The following PTPRG variants were observed in gnomAD, a reference collection of about 807,000 sequenced individuals.
The protein encoded by PTPRG is protein tyrosine phosphatase receptor type G.
PTPRG carries 102 observed loss-of-function variants against 165.3 expected under a neutral mutation model. The observed-to-expected ratio is 0.62, with a 90% confidence interval of 0.53 to 0.73. PTPRG has a LOEUF of 0.73. Among genes scored for constraint, PTPRG ranks in the 30% least tolerant of loss-of-function variants. The pLI, the probability that PTPRG is intolerant of heterozygous loss-of-function variation, is 0.00. For synonymous variants in PTPRG, 675 were observed against 669.5 expected, an observed-to-expected ratio of 1.01 and a Z score of -0.13; for missense variants, 1,866 against 1,861.4, an observed-to-expected ratio of 1.00 and a Z score of -0.05.
At chr3:61,568,537 A>G (rs1036202616) in intron 1 of PTPRG, among the ~76,000 whole-genome samples, 8 of 152,222 alleles carry the variant, frequency 5.3e-5, no homozygotes, top group African/African-American at 1.4e-4. Context: ...AGAAAAATAT[A>G]TTCTGTGTGA....
At chr3:61,595,038 T>G (rs1461315776) in intron 1 of PTPRG, among the ~76,000 whole-genome samples, 2 of 152,202 alleles carry the variant, frequency 1.3e-5, no homozygotes, top group Non-Finnish European at 2.9e-5. Context: ...CTGATCTGTT[T>G]ATTTACAGAT....
At chr3:61,822,256 A>G in intron 2 of PTPRG, among the ~76,000 whole-genome samples, 1 of 152,154 alleles carries the variant, frequency 6.6e-6, no homozygotes, top group East Asian at 1.9e-4. Context: ...ACATCCCCAA[A>G]TATGCAGTGA....
chr3:61,921,813 C>G (rs1393534808), intron 2 of PTPRG, among the ~76,000 whole-genome samples: 3 of 152,090 alleles, frequency 2.0e-5, no homozygotes, highest in Non-Finnish European at 4.4e-5. Flanking sequence ...TCTGTACTTA[C>G]AGGTTAGGAA....
At position 62,255,220 on chromosome 3, in the gene PTPRG, G is replaced by T; in HGVS notation, c.2559+5G>T. ...GGGTTCTCTGAGGATTTTGAGGTAT[G>T]TTTCAAGGCTGGAAGTTAACTTCCA... is the stretch of plus-strand genomic sequence containing the variant. On this transcript the variant is annotated splice_donor_5th_base_variant and intron_variant, in intron 16 of 29. Transcript: ENST00000474889. The surrounding 1 kb of genome is among the most constrained non-coding windows in gnomAD (Gnocchi z 4.0). 6.2e-7 allele frequency: 1 copy of T among 1,605,794 alleles called. No individual in the cohort carries two copies. The highest frequency in any genetic ancestry group is 8.5e-7 in the Non-Finnish European group (1 of 1,175,156).
chr3:62,073,621 G>T (rs923761709), intron 4 of PTPRG, among the ~76,000 whole-genome samples: 3 of 152,030 alleles, frequency 2.0e-5, no homozygotes, highest in African/African-American at 7.2e-5. Context: ...CTCCCAAGTG[G>T]CAGGCACCTG....
intron 2 of PTPRG, among the ~76,000 whole-genome samples, chr3:61,775,334 G>A (rs1176149309): frequency 3.9e-5 from 6 of 152,128 alleles, no homozygotes; most frequent in African/African-American, 1.4e-4. Flanking sequence ...GCCTCCCAAA[G>A]TGCTGGGATT....
chr3:61,765,140 G>T (rs1043755475), intron 2 of PTPRG, among the ~76,000 whole-genome samples: 1 of 152,220 alleles, frequency 6.6e-6, no homozygotes, highest in African/African-American at 2.4e-5. Context: ...ACACAGCAAG[G>T]TGTGTTGTGC....
chr3:62,019,250 T>C (rs190625536), intron 4 of PTPRG, among the ~76,000 whole-genome samples: 9 of 152,300 alleles, frequency 5.9e-5, no homozygotes, highest in African/African-American at 2.2e-4. Context: ...AGGCCGGATG[T>C]AGTAGCTCAC....
chr3:62,014,610 C>G (rs2041497740), intron 4 of PTPRG, among the ~76,000 whole-genome samples: 1 of 152,174 alleles, frequency 6.6e-6, no homozygotes, highest in South Asian at 2.1e-4. Flanking sequence ...GTTCATGCCT[C>G]TGTGTTCAGC....
intron 1 of PTPRG, among the ~76,000 whole-genome samples, chr3:61,671,133 ACTTT>A (rs1321077683): frequency 2.0e-4 from 25 of 122,508 alleles, no homozygotes; most frequent in African/African-American, 3.7e-4. Flanking sequence ...TACTGTATGA[ACTTT>A]CTTTTTTTTT....
At chr3:61,896,183 T>C (rs571744409) in intron 2 of PTPRG, among the ~76,000 whole-genome samples, 4 of 152,286 alleles carry the variant, frequency 2.6e-5, no homozygotes, top group African/African-American at 9.6e-5. Flanking sequence ...GGATCCCTCA[T>C]GTTTCCCTTT....
chr3:61,897,953 T>G (rs568573492), intron 2 of PTPRG, among the ~76,000 whole-genome samples: 85 of 152,274 alleles, frequency 5.6e-4, no homozygotes, highest in Non-Finnish European at 1.0e-3. Context: ...TTTTCATGGA[T>G]TCCTTGGAAT....
At chr3:62,178,889 C>T (rs540226721) in intron 8 of PTPRG, among the ~76,000 whole-genome samples, 9 of 152,326 alleles carry the variant, frequency 5.9e-5, no homozygotes, top group African/African-American at 2.2e-4. Context: ...GAACAGCAAT[C>T]TGGAAATTAA....
chr3:61,870,561 T>C (rs1211134793), intron 2 of PTPRG, among the ~76,000 whole-genome samples: 3 of 140,346 alleles, frequency 2.1e-5, no homozygotes, highest in African/African-American at 8.2e-5. Flanking sequence ...GAGATGGATT[T>C]TTTTTTTTTT....
At chr3:61,781,708 T>G (rs181952516) in intron 2 of PTPRG, among the ~76,000 whole-genome samples, 1 of 152,264 alleles carries the variant, frequency 6.6e-6, no homozygotes, top group East Asian at 1.9e-4. Flanking sequence ...AGATGTTGAT[T>G]ACTAAATTAA....
intron 1 of PTPRG, among the ~76,000 whole-genome samples, chr3:61,689,012 A>G (rs1300342528): frequency 6.6e-6 from 1 of 152,248 alleles, no homozygotes; most frequent in Non-Finnish European, 1.5e-5. Context: ...CACTTGGTTA[A>G]GCAGCCAGTG....
chr3:62,006,114 C>T (rs997539681), intron 4 of PTPRG, among the ~76,000 whole-genome samples: 2 of 152,180 alleles, frequency 1.3e-5, no homozygotes, highest in South Asian at 4.2e-4. Context: ...GCCACCATGC[C>T]CAGGCTTATT....
rs535171178 is a variant in PTPRG, at chr3:62,047,095, A to G, written c.520-31068A>G. Among the ~76,000 whole-genome samples, 7 of 152,286 alleles carry G rather than the reference A, an allele frequency of 4.6e-5. No homozygotes were observed. In the South Asian group the frequency reaches 8.3e-4, roughly 18 times the overall value. On this transcript the variant is annotated intron_variant, in intron 4 of 29. Coordinates refer to ENST00000474889, the MANE Select transcript of PTPRG (RefSeq NM_002841.4). ...CACATTTTCTAAGTTTGCAAGCTTC[A>G]TTTCAAATTTCAATCATAGTCTTTC... is the stretch of plus-strand genomic sequence containing the variant.
chr3:61,744,873 G>A (rs2033136125), intron 1 of PTPRG, among the ~76,000 whole-genome samples: 1 of 152,030 alleles, frequency 6.6e-6, no homozygotes, highest in African/African-American at 2.4e-5. Context: ...CTTGCTGTTT[G>A]TGATAGGTGG....
Sources: gnomAD v4.1 joint callset for allele counts (sites outside exome capture counted in the v4.1 genomes callset) on GRCh38, gnomAD v4.1.1 for gene constraint, Gnocchi (gnomAD v3.1) non-coding constraint, MANE v1.5 for transcripts, NCBI Gene and HGNC (gene_info 2026-07-23, HGNC 2026-07-21) for gene names.